The following BICRA variants were observed in gnomAD, a reference collection of about 807,000 sequenced individuals.
BICRA encodes BRD4-interacting chromatin-remodeling complex-associated protein.
BICRA carries 31 observed loss-of-function variants against 96.9 expected under a neutral mutation model. That is an observed-to-expected ratio of 0.32 (90% confidence interval 0.24 to 0.43). The LOEUF (loss-of-function observed/expected upper bound fraction) is 0.43. Among genes scored for constraint, BICRA ranks in the 20% least tolerant of loss-of-function variants. The pLI is 1.00. For missense variants in BICRA, 2,283 were observed against 2,190.3 expected (o/e 1.04, Z -0.84); for synonymous variants, 1,350 against 1,071.8 (o/e 1.26, Z -5.07).
chr19:47,679,936 C>G lies in BICRA; in HGVS notation c.766C>G (p.Gln256Glu). 2 of 1,512,086 alleles carry G rather than the reference C, an allele frequency of 1.3e-6. No homozygotes were observed. The allele number at this position is 1,512,086 out of a possible 1,614,324, so 93.7% of individuals were successfully genotyped here. The change falls in exon 6 of 15, where the codon CAG becomes GAG. Residue 256 changes from glutamine (Q) to glutamate (E), a missense_variant. Coordinates refer to ENST00000594866, the MANE Select transcript of BICRA (RefSeq NM_001394372.1). ...NTPTSQLLAK[Q>E]VPVSGYLASA... ...GCCCACCTCCCAGCTCCTGGCCAAGCAGGTGCCCGTCAGCGGCTACCTGGC... is the reference window on the plus strand; with the variant it reads ...GCCCACCTCCCAGCTCCTGGCCAAGGAGGTGCCCGTCAGCGGCTACCTGGC...
chr19:47,679,121 T>G (rs1972985918), intron 5 of BICRA, 200 bp from the exon 6 acceptor site: 1 of 419,802 alleles, frequency 2.4e-6, no homozygotes, highest in African/African-American at 2.1e-5. Flanking sequence ...GGTCTCAAAC[T>G]CTTTGGCTCA....
chr19:47,662,734 C>T, intron 1 of BICRA: 1 of 152,430 alleles, frequency 6.6e-6, no homozygotes, highest in Non-Finnish European at 1.5e-5. Context: ...GTCAAGAAGC[C>T]AGCCCAGGGT....
intron 1 of BICRA, among the ~76,000 whole-genome samples, chr19:47,640,630 G>A (rs1415964297): frequency 1.3e-5 from 2 of 152,046 alleles, no homozygotes; most frequent in African/African-American, 4.8e-5. Flanking sequence ...TGCTGTGGAA[G>A]AAAACAGAGG....
intron 1 of BICRA, among the ~76,000 whole-genome samples, chr19:47,654,198 C>G (rs1175571905): frequency 6.6e-6 from 1 of 152,170 alleles, no homozygotes; most frequent in African/African-American, 2.4e-5. Context: ...CGAACACTTG[C>G]CCTTGTCTGT....
chr19:47,685,778 TGTGTGTGTGCGCGCGC>T (rs1293077415), intron 7 of BICRA, among the ~76,000 whole-genome samples: 2 of 131,648 alleles, frequency 1.5e-5, no homozygotes, highest in Admixed American at 7.8e-5. Flanking sequence ...TGTGTGTGTG[TGTGTGTGTGCGCGCGC>T]GCGCGCATGC....
At chr19:47,641,593 C>A (rs139845399) in intron 1 of BICRA, among the ~76,000 whole-genome samples, 105 of 151,974 alleles carry the variant, frequency 6.9e-4, no homozygotes, top group African/African-American at 2.2e-3. Flanking sequence ...GAGCTATGAT[C>A]ATGCCACTGC....
intron 1 of BICRA, among the ~76,000 whole-genome samples, chr19:47,613,537 CAA>C (rs1036969861): frequency 4.6e-5 from 7 of 152,156 alleles, no homozygotes; most frequent in East Asian, 1.9e-4. Context: ...TTAGTAGAAA[CAA>C]GAGCAGTCAC....
intron 1 of BICRA, among the ~76,000 whole-genome samples, chr19:47,619,840 G>GAGCC (rs1237095473): frequency 6.6e-6 from 1 of 152,188 alleles, no homozygotes; most frequent in African/African-American, 2.4e-5. Context: ...AGGCTGCAGA[G>GAGCC]AGCCATTCAT....
intron 1 of BICRA, among the ~76,000 whole-genome samples, chr19:47,640,623 T>C (rs887413402): frequency 6.6e-6 from 1 of 151,486 alleles, no homozygotes; most frequent in African/African-American, 2.4e-5. Context: ...TACTGAGTGC[T>C]GTGGAAGAAA....
At chr19:47,634,683 G>C (rs1972272236) in intron 1 of BICRA, among the ~76,000 whole-genome samples, 1 of 151,582 alleles carries the variant, frequency 6.6e-6, no homozygotes, top group Non-Finnish European at 1.5e-5. Context: ...GTAAATGGCA[G>C]CTCCGAGCTC....
At chr19:47,644,191 C>T (rs1469255836) in intron 1 of BICRA, among the ~76,000 whole-genome samples, 1 of 151,322 alleles carries the variant, frequency 6.6e-6, no homozygotes, top group Non-Finnish European at 1.5e-5. Flanking sequence ...CTAATTATTT[C>T]TTCTTCTTTT....
intron 1 of BICRA, among the ~76,000 whole-genome samples, chr19:47,620,030 C>T (rs578033769): frequency 6.6e-6 from 1 of 152,308 alleles, no homozygotes; most frequent in South Asian, 2.1e-4. Flanking sequence ...TAGAATTTCA[C>T]AGAGGGGGAG....
In BICRA at chr19:47,694,908, C is replaced by T. The variant is rs371288134; in HGVS notation, c.2904C>T (p.Ser968=). 10 of 1,516,712 alleles carry T rather than the reference C, an allele frequency of 6.6e-6. No homozygotes were observed. Among genetic ancestry groups the T allele is most frequent in the African/African-American group, 1.4e-5 (1 of 71,774 alleles). The allele number at this position is 1,516,712 out of a possible 1,614,324, so 94.0% of individuals were successfully genotyped here. A position where few individuals can be genotyped will look rare whatever the true frequency, so the allele number is the denominator to read the frequency against. Residue 968 remains serine, a synonymous_variant, in exon 9 of 15, where the codon TCC becomes TCT. Coordinates refer to ENST00000594866, the MANE Select transcript of BICRA (RefSeq NM_001394372.1). ...ALLERFHQVP[S]GIILQNKAGG... The stretch of plus-strand genomic sequence containing the variant: ...ACCTGTCCCCTCCTCAGGTGCCGTC[C>T]GGAATCATCCTCCAGAACAAGGCTG...
intron 1 of BICRA, among the ~76,000 whole-genome samples, chr19:47,628,277 G>A (rs1482632246): frequency 6.6e-6 from 1 of 152,134 alleles, no homozygotes; most frequent in Non-Finnish European, 1.5e-5. Context: ...AGTTCCTGGG[G>A]GATCCTGTTA....
At chr19:47,616,587 T>C (rs903639171) in intron 1 of BICRA, among the ~76,000 whole-genome samples, 1 of 150,440 alleles carries the variant, frequency 6.6e-6, no homozygotes, top group Non-Finnish European at 1.5e-5. Context: ...TGCAGTGAGC[T>C]GAGATCGCAC....
rs758967654 is a variant in BICRA, at chr19:47,702,337, G to C, written c.4605G>C (p.Pro1535=). The change falls in exon 15 of 15, where the codon CCG becomes CCC. Residue 1535 remains proline (P), a synonymous_variant. Transcript: ENST00000594866. ...CCTCGGCCGGCACCCCCGCATCCCCGCCGCCCCTGCACAGGCCCGAGGCCT... is the reference window on the plus strand; with the variant it reads ...CCTCGGCCGGCACCCCCGCATCCCCCCCGCCCCTGCACAGGCCCGAGGCCT... ...HAASAGTPAS[P]PPLHRPEAYP... 1 of 1,538,110 alleles carries C rather than the reference G, an allele frequency of 6.5e-7. No individual in the cohort carries two copies.
At chr19:47,659,689 C>T (rs962535249) in intron 1 of BICRA, among the ~76,000 whole-genome samples, 14 of 65,876 alleles carry the variant, frequency 2.1e-4, no homozygotes, top group African/African-American at 6.3e-4. Flanking sequence ...GGTGCATACA[C>T]ACACACACAC....
chr19:47,643,203 C>G (rs1229829402), intron 1 of BICRA, among the ~76,000 whole-genome samples: 1 of 152,246 alleles, frequency 6.6e-6, no homozygotes, highest in Non-Finnish European at 1.5e-5. Flanking sequence ...CTCCTGACCT[C>G]AAGTGATCTG....
chr19:47,640,195 G>T (rs954093680), intron 1 of BICRA, among the ~76,000 whole-genome samples: 1 of 152,180 alleles, frequency 6.6e-6, no homozygotes, highest in Admixed American at 6.5e-5. Context: ...CTATTGTATT[G>T]TATACCTGGC....
Sources: gnomAD v4.1 joint callset for allele counts (sites outside exome capture counted in the v4.1 genomes callset) on GRCh38, gnomAD v4.1.1 for gene constraint, MANE v1.5 for transcripts, NCBI Gene and HGNC (gene_info 2026-07-23, HGNC 2026-07-21) for gene names.